The following ENAH variants were observed in gnomAD, a reference collection of about 807,000 sequenced individuals.
ENAH encodes protein enabled homolog.
In ENAH, 23 loss-of-function variants were observed where a neutral mutation model predicts 78.7. The ratio of observed to expected loss-of-function variants is 0.29; its 90% CI spans 0.21 to 0.41. ENAH has a LOEUF of 0.41. Ranked by LOEUF, ENAH falls within the 10% of genes least tolerant of loss-of-function variation. ENAH has a pLI of 1.00. For missense variants in ENAH, 544 were observed against 691.0 expected (o/e 0.79, Z 2.39); for synonymous variants, 226 against 241.0 (o/e 0.94, Z 0.58).
chr1:225,615,362 T>G (rs1404071537), intron 1 of ENAH, among the ~76,000 whole-genome samples: 1 of 152,180 alleles, frequency 6.6e-6, no homozygotes, highest in Non-Finnish European at 1.5e-5. Context: ...GTGCCCAGGC[T>G]GGAGTGCAGT....
rs2096740001 is a variant in ENAH, at chr1:225,567,354, C to T, written c.66G>A (p.Lys22=). ...AVMVYDDANK[K]WVPAGGSTGF... ...CAGTTGAGCCACCAGCTGGCACCCACTTCTTATTGGCATCATCATAAACCA... is the reference window on the plus strand; with the variant it reads ...CAGTTGAGCCACCAGCTGGCACCCATTTCTTATTGGCATCATCATAAACCA... Residue 22 remains lysine, a synonymous_variant, in exon 2 of 14, where the codon AAG becomes AAA. Coordinates refer to ENST00000366843, the MANE Select transcript of ENAH (RefSeq NM_018212.6). 1.2e-6 allele frequency: 2 copies of T among 1,613,988 alleles called. No homozygotes were observed.
intron 5 of ENAH, 119 bp downstream of exon 5, chr1:225,519,079 T>C (rs2096444684): frequency 6.9e-7 from 1 of 1,440,014 alleles, no homozygotes; most frequent in African/African-American, 1.4e-5. Context: ...ATTCATAATT[T>C]CAAATTGTAT....
chr1:225,503,658 C>CAAA (rs10683254), intron 11 of ENAH, among the ~76,000 whole-genome samples: 24,581 of 83,404 alleles, frequency 0.29, 3,545 homozygotes, highest in East Asian at 0.38. Flanking sequence ...CAAACCACCT[C>CAAA]AAAAAAAAAA....
chr1:225,550,739 A>G (rs936918586), intron 3 of ENAH, among the ~76,000 whole-genome samples: 14 of 152,220 alleles, frequency 9.2e-5, no homozygotes, highest in Non-Finnish European at 1.5e-5. Flanking sequence ...CATGTTCAAT[A>G]GATTAAAAAA....
chr1:225,563,041 G>C (rs1182100158), intron 2 of ENAH, among the ~76,000 whole-genome samples: 1 of 151,490 alleles, frequency 6.6e-6, no homozygotes, highest in African/African-American at 2.4e-5. Flanking sequence ...TTATTCTTAG[G>C]GATGGTGTTT....
At chr1:225,541,689 A>T (rs955167873) in intron 3 of ENAH, among the ~76,000 whole-genome samples, 1 of 152,190 alleles carries the variant, frequency 6.6e-6, no homozygotes, top group Non-Finnish European at 1.5e-5. Flanking sequence ...AAAGTATTAG[A>T]GGTGATTGGT....
intron 4 of ENAH, among the ~76,000 whole-genome samples, chr1:225,521,384 C>G (rs550698625): frequency 1.1e-3 from 166 of 152,056 alleles, no homozygotes; most frequent in Admixed American, 1.7e-3. Flanking sequence ...CTTTGCCAGG[C>G]ACGGTGGCTC....
chr1:225,499,058 C>T (rs1184376690), intron 12 of ENAH, among the ~76,000 whole-genome samples: 1 of 151,958 alleles, frequency 6.6e-6, no homozygotes, highest in African/African-American at 2.4e-5. Flanking sequence ...AAAACACACA[C>T]CAGATTCCAA....
chr1:225,616,574 T>C (rs548171721), intron 1 of ENAH, among the ~76,000 whole-genome samples: 3 of 152,028 alleles, frequency 2.0e-5, no homozygotes, highest in Admixed American at 1.3e-4. Flanking sequence ...ATATAGTATT[T>C]ATAATTATAT....
At position 225,594,154 on chromosome 1, in the gene ENAH, T is replaced by A. The variant is rs563666844; in HGVS notation, c.6-26740A>T. Among the ~76,000 whole-genome samples the A allele has an allele frequency of 6.7e-3, 1,014 of 152,298 alleles. 14 individuals are homozygous for A. The highest frequency in any genetic ancestry group is 0.023 in the African/African-American group (955 of 41,568). On this transcript the variant is annotated intron_variant, in intron 1 of 13. Coordinates refer to ENST00000366843, the MANE Select transcript of ENAH (RefSeq NM_018212.6). ...ATTGCTTCTCTGGAACACTGCTAGA[T>A]TCAAAGTTTAAGGACAAACTGTTCT...
chr1:225,494,456 T>A lies in ENAH; in HGVS notation c.*3319A>T, dbSNP rs1342245914. ...TACATAAAGGATAATTCTAACTGCATGAATGAGTTTTAAGTACCTGAACGT... is the reference window on the plus strand; with the variant it reads ...TACATAAAGGATAATTCTAACTGCAAGAATGAGTTTTAAGTACCTGAACGT... On this transcript the variant is annotated 3_prime_UTR_variant, in exon 14 of 14. Transcript: ENST00000366843. 6.6e-6 allele frequency: 1 copy of A among 152,162 alleles called. No individual in the cohort carries two copies. Among genetic ancestry groups the A allele is most frequent in the Non-Finnish European group, 1.5e-5 (1 of 68,004 alleles). The allele number at this position is 152,162 out of a possible 1,614,324, so 9.4% of individuals were successfully genotyped here.
intron 3 of ENAH, among the ~76,000 whole-genome samples, chr1:225,554,536 CA>C (rs1239168675): frequency 2.6e-5 from 4 of 152,208 alleles, no homozygotes; most frequent in Non-Finnish European, 5.9e-5. Flanking sequence ...TTTCTTTACA[CA>C]AAGATGATAA....
At chr1:225,569,593 A>G (rs2096750900) in intron 1 of ENAH, among the ~76,000 whole-genome samples, 1 of 152,226 alleles carries the variant, frequency 6.6e-6, no homozygotes. Context: ...TCTTTTAAGT[A>G]TAAGAAATCT....
intron 1 of ENAH, among the ~76,000 whole-genome samples, chr1:225,635,037 A>G (rs1659811347): frequency 6.6e-6 from 1 of 152,224 alleles, no homozygotes; most frequent in Admixed American, 6.5e-5. Flanking sequence ...ATCAACTATC[A>G]CATCTTAACA....
At chr1:225,612,302 T>C (rs931268208) in intron 1 of ENAH, among the ~76,000 whole-genome samples, 1 of 152,176 alleles carries the variant, frequency 6.6e-6, no homozygotes, top group African/African-American at 2.4e-5. Context: ...GAAAACTTTA[T>C]GCTTAGTCAC....
chr1:225,499,804 C>G (rs1342886278), intron 12 of ENAH, among the ~76,000 whole-genome samples: 1 of 152,194 alleles, frequency 6.6e-6, no homozygotes, highest in Non-Finnish European at 1.5e-5. Flanking sequence ...AATTGTGTGA[C>G]TTTAACACTG....
intron 1 of ENAH, among the ~76,000 whole-genome samples, chr1:225,579,633 T>C (rs955064724): frequency 2.6e-5 from 4 of 152,184 alleles, no homozygotes; most frequent in Admixed American, 1.3e-4. Context: ...AAGAATAGAA[T>C]AGCAGCTATC....
intron 1 of ENAH, chr1:225,652,275 A>G: frequency 2.1e-6 from 2 of 930,674 alleles, no homozygotes; most frequent in African/African-American, 3.6e-5. Context: ...GAGAGTTCGG[A>G]GGCAAAAGTG....
rs535931343 is a variant in ENAH at position 225,543,569 on chromosome 1, A to C, written c.349+11337T>G. 2.0e-5 allele frequency among the ~76,000 whole-genome samples: 3 copies of C among 152,314 alleles called. No individual in the cohort carries two copies. In the East Asian group the frequency reaches 5.8e-4, roughly 29 times the overall value. ...ATTTGTTTCCTAACTACCATTCTGC[A>C]CCATTCATGTTACTTACACTGCCTT... On this transcript the variant is annotated intron_variant, in intron 3 of 13. Coordinates refer to ENST00000366843, the MANE Select transcript of ENAH (RefSeq NM_018212.6).
Sources: allele counts gnomAD v4.1 joint callset (sites outside exome capture counted in the v4.1 genomes callset), GRCh38; gene constraint gnomAD v4.1.1; transcripts MANE v1.5; gene names NCBI Gene and HGNC (gene_info 2026-07-23, HGNC 2026-07-21).